Variants in NOL4 observed in about 807,000 individuals in gnomAD.
NOL4 encodes the protein nucleolar protein 4, also known as cancer/testis antigen 125.
NOL4 carries 17 observed loss-of-function variants against 75.9 expected under a neutral mutation model. The observed-to-expected ratio is 0.22, with a 90% CI of 0.15 to 0.34. NOL4 has a LOEUF of 0.34. NOL4 is among the 10% of genes least tolerant of loss of function. The probability of loss-of-function intolerance (pLI) is 1.00; values close to 1 mark genes in which losing one functional copy is unlikely to be tolerated. For synonymous variants in NOL4, 292 were observed against 289.9 expected (o/e 1.01, Z -0.07); for missense variants, 614 against 793.5 (o/e 0.77, Z 2.72).
intron 9 of NOL4, among the ~76,000 whole-genome samples, chr18:33,915,451 G>A (rs1305492114): frequency 6.6e-6 from 1 of 152,070 alleles, no homozygotes; most frequent in East Asian, 1.9e-4. Flanking sequence ...TAGGAGAATA[G>A]TATTTACACA....
intron 10 of NOL4, among the ~76,000 whole-genome samples, chr18:33,878,878 T>A (rs1283633345): frequency 6.6e-6 from 1 of 152,110 alleles, no homozygotes; most frequent in African/African-American, 2.4e-5. Context: ...ATGCTAGCTT[T>A]CACTGACACC....
intron 2 of NOL4, among the ~76,000 whole-genome samples, chr18:34,108,155 T>A (rs1216016818): frequency 1.3e-5 from 2 of 152,168 alleles, no homozygotes; most frequent in East Asian, 3.9e-4. Flanking sequence ...TGTTATAAGT[T>A]ATTTTATGTA....
chr18:34,122,869 CTGAG>C (rs2145852815), intron 2 of NOL4, among the ~76,000 whole-genome samples: 1 of 152,208 alleles, frequency 6.6e-6, no homozygotes, highest in South Asian at 2.1e-4. Context: ...ACCTCTCGAT[CTGAG>C]TGAGAATCAC....
chr18:34,111,232 A>G (rs2079572937), intron 2 of NOL4, among the ~76,000 whole-genome samples: 1 of 152,212 alleles, frequency 6.6e-6, no homozygotes, highest in Non-Finnish European at 1.5e-5. Flanking sequence ...GGAGGGAATT[A>G]TTTGCAAACC....
At chr18:33,948,354 C>T (rs144024974) in intron 8 of NOL4, among the ~76,000 whole-genome samples, 22 of 151,956 alleles carry the variant, frequency 1.4e-4, no homozygotes, top group Admixed American at 5.9e-4. Flanking sequence ...TTGGATGGTA[C>T]GCACACACTA....
At chr18:34,079,788 C>T (rs954711432) in intron 5 of NOL4, among the ~76,000 whole-genome samples, 1 of 152,124 alleles carries the variant, frequency 6.6e-6, no homozygotes, top group Non-Finnish European at 1.5e-5. Flanking sequence ...GTTTTTGCTC[C>T]TATTTAAAGC....
At chr18:34,182,680 T>C (rs1327477814) in intron 1 of NOL4, among the ~76,000 whole-genome samples, 3 of 151,730 alleles carry the variant, frequency 2.0e-5, no homozygotes, top group Non-Finnish European at 4.4e-5. Context: ...AGAATGTTTA[T>C]AGTGAATATC....
intron 1 of NOL4, among the ~76,000 whole-genome samples, chr18:34,218,332 T>C (rs2037061258): frequency 6.6e-6 from 1 of 152,088 alleles, no homozygotes; most frequent in Non-Finnish European, 1.5e-5. Context: ...TATATACGAG[T>C]GCCAAATCTT....
At chr18:34,133,775 G>C (rs1207169745) in intron 1 of NOL4, among the ~76,000 whole-genome samples, 15 of 152,100 alleles carry the variant, frequency 9.9e-5, no homozygotes, top group Admixed American at 9.8e-4. Context: ...TGTAATTCGA[G>C]CTCTTTGGGA....
At chr18:34,208,128 G>A (rs568893503) in intron 1 of NOL4, among the ~76,000 whole-genome samples, 3 of 152,276 alleles carry the variant, frequency 2.0e-5, no homozygotes, top group African/African-American at 7.2e-5. Flanking sequence ...GTAGATGAAG[G>A]GGGCAGGGCA....
intron 2 of NOL4, among the ~76,000 whole-genome samples, chr18:34,114,432 C>G (rs1600639920): frequency 6.6e-6 from 1 of 152,136 alleles, no homozygotes; most frequent in Admixed American, 6.5e-5. Context: ...TGACAAACCA[C>G]ATATTAAATA....
intron 10 of NOL4, among the ~76,000 whole-genome samples, chr18:33,867,508 A>C (rs763971747): frequency 6.6e-6 from 1 of 152,150 alleles, no homozygotes; most frequent in East Asian, 1.9e-4. Context: ...AAATAAAATA[A>C]ATTTGTAAAA....
chr18:34,076,179 G>A (rs1268789860), intron 5 of NOL4, among the ~76,000 whole-genome samples: 1 of 152,140 alleles, frequency 6.6e-6, no homozygotes, highest in African/African-American at 2.4e-5. Flanking sequence ...GATGAATTAT[G>A]AAAAGGTTCC....
intron 6 of NOL4, among the ~76,000 whole-genome samples, chr18:34,016,539 C>T (rs1467045723): frequency 6.6e-6 from 1 of 152,042 alleles, no homozygotes; most frequent in Admixed American, 6.6e-5. Flanking sequence ...TGCAAATACC[C>T]ATGCCAGGTA....
At chr18:34,066,849 T>C (rs1043371524) in intron 5 of NOL4, among the ~76,000 whole-genome samples, 2 of 152,050 alleles carry the variant, frequency 1.3e-5, no homozygotes, top group Middle Eastern at 3.4e-3. Flanking sequence ...CAGAAAGAAG[T>C]CAGGAATTAC....
chr18:34,218,100 A>G (rs75484596), intron 1 of NOL4, among the ~76,000 whole-genome samples: 1 of 131,610 alleles, frequency 7.6e-6, no homozygotes, highest in African/African-American at 3.2e-5. Context: ...CAGTTAGACC[A>G]AAAAAAAAAA....
chr18:34,222,417 G>C, intron 1 of NOL4: 1 of 1,127,950 alleles, frequency 8.9e-7, no homozygotes, highest in Non-Finnish European at 1.1e-6. Context: ...CTCTGGGAGT[G>C]ATCGAGGCAT....
At chr18:34,189,004 C>T (rs2034709868) in intron 1 of NOL4, among the ~76,000 whole-genome samples, 1 of 152,038 alleles carries the variant, frequency 6.6e-6, no homozygotes, top group South Asian at 2.1e-4. Flanking sequence ...CTTCCAAGAA[C>T]CTTGAATAAT....
intron 6 of NOL4, among the ~76,000 whole-genome samples, chr18:33,991,894 G>A (rs771431034): frequency 6.7e-6 from 1 of 148,822 alleles, no homozygotes; most frequent in Non-Finnish European, 1.5e-5. Context: ...ACATGGATAG[G>A]TTATCAATAG....
Sources: gnomAD v4.1 joint callset for allele counts (sites outside exome capture counted in the v4.1 genomes callset) on GRCh38, gnomAD v4.1.1 for gene constraint, MANE v1.5 for transcripts, NCBI Gene and HGNC (gene_info 2026-07-23, HGNC 2026-07-21) for gene names.